The following PAG1 variants were observed in gnomAD, a reference collection of about 807,000 sequenced individuals.
The protein encoded by PAG1 is phosphoprotein associated with glycosphingolipid-enriched microdomains 1.
In PAG1, 23 loss-of-function variants were observed where a neutral mutation model predicts 31.7. The ratio of observed to expected loss-of-function variants is 0.73; its 90% CI spans 0.52 to 1.03. PAG1 has a LOEUF of 1.03. Ranked by LOEUF, PAG1 falls within the 50% of genes least tolerant of loss-of-function variation. The probability of loss-of-function intolerance (pLI) is 0.00; values close to 1 mark genes in which losing one functional copy is unlikely to be tolerated. For synonymous variants in PAG1, 214 were observed against 210.3 expected (o/e 1.02, Z -0.15); for missense variants, 473 against 540.7 (o/e 0.87, Z 1.24).
intron 2 of PAG1, among the ~76,000 whole-genome samples, chr8:81,049,135 G>C (rs1309656036): frequency 2.6e-5 from 4 of 152,222 alleles, no homozygotes; most frequent in African/African-American, 9.6e-5. Flanking sequence ...CAAGAAGAGA[G>C]AATAAAAGAT....
intron 2 of PAG1, among the ~76,000 whole-genome samples, chr8:81,047,896 C>A (rs1221752048): frequency 6.6e-6 from 1 of 152,112 alleles, no homozygotes; most frequent in Non-Finnish European, 1.5e-5. Context: ...GAGAATCATG[C>A]AAATATATGA....
chr8:81,076,243 A>G (rs909252025), intron 1 of PAG1, among the ~76,000 whole-genome samples: 2 of 152,218 alleles, frequency 1.3e-5, no homozygotes, highest in African/African-American at 4.8e-5. Flanking sequence ...AATCAAATCC[A>G]AAGCTTCCCA....
At chr8:80,989,664 T>C (rs1449957256) in intron 5 of PAG1, among the ~76,000 whole-genome samples, 1 of 152,124 alleles carries the variant, frequency 6.6e-6, no homozygotes, top group Non-Finnish European at 1.5e-5. Context: ...CACCTGCCAC[T>C]CTCTTCCTAT....
chr8:81,062,539 T>A (rs999095163), intron 2 of PAG1, among the ~76,000 whole-genome samples: 2 of 152,234 alleles, frequency 1.3e-5, no homozygotes, highest in Non-Finnish European at 1.5e-5. Flanking sequence ...TTATCAGATA[T>A]TTTTCATTTT....
At chr8:80,982,203 G>T (rs949324088) in intron 7 of PAG1, among the ~76,000 whole-genome samples, 3 of 152,066 alleles carry the variant, frequency 2.0e-5, no homozygotes, top group Admixed American at 2.0e-4. Context: ...TTAAAGAGTG[G>T]TCTAAAAAGT....
At chr8:80,989,995 G>A (rs1297237989) in intron 5 of PAG1, among the ~76,000 whole-genome samples, 2 of 152,162 alleles carry the variant, frequency 1.3e-5, no homozygotes, top group Non-Finnish European at 2.9e-5. Flanking sequence ...GGGGCCTGGA[G>A]TCTGCATGGG....
intron 7 of PAG1, among the ~76,000 whole-genome samples, chr8:80,980,973 A>C (rs1278660201): frequency 6.6e-6 from 1 of 152,176 alleles, no homozygotes; most frequent in African/African-American, 2.4e-5. Context: ...TGATTTCTGA[A>C]GGATTTTGGC....
chr8:81,062,613 T>G (rs1174050092), intron 2 of PAG1, among the ~76,000 whole-genome samples: 1 of 152,242 alleles, frequency 6.6e-6, no homozygotes, highest in Non-Finnish European at 1.5e-5. Context: ...AATTATTTAT[T>G]TAATTTACTG....
chr8:81,034,542 T>C (rs570749585), intron 2 of PAG1, among the ~76,000 whole-genome samples: 1 of 152,310 alleles, frequency 6.6e-6, no homozygotes, highest in East Asian at 1.9e-4. Flanking sequence ...AATCTACCTA[T>C]GCTGAATTCC....
rs151123280 is a variant in PAG1 at position 81,087,260 on chromosome 8, T to G, written c.-233-17090A>C. ...CTGGAGGCTGAGGCAGGAGAATCGC[T>G]TGAACCCAGGAGGTGGAGGTTGCAG... On this transcript the variant is annotated intron_variant, in intron 1 of 8. Coordinates refer to ENST00000220597, the MANE Select transcript of PAG1 (RefSeq NM_018440.4). Among the ~76,000 whole-genome samples the G allele has an allele frequency of 8.3e-3, 1,257 of 151,160 alleles. 13 individuals carry two copies. The highest frequency in any genetic ancestry group is 0.028 in the African/African-American group (1,128 of 41,014).
At chr8:81,023,649 G>A (rs1330259727) in intron 3 of PAG1, among the ~76,000 whole-genome samples, 2 of 151,922 alleles carry the variant, frequency 1.3e-5, no homozygotes, top group East Asian at 3.9e-4. Context: ...GAAAGACAGA[G>A]GGTATGAGTG....
intron 3 of PAG1, among the ~76,000 whole-genome samples, chr8:81,022,637 C>T (rs951419435): frequency 6.6e-6 from 1 of 152,006 alleles, no homozygotes; most frequent in African/African-American, 2.4e-5. Context: ...GAAAATTGTA[C>T]TAATTTATAA....
intron 1 of PAG1, among the ~76,000 whole-genome samples, chr8:81,096,779 T>C (rs568014312): frequency 6.6e-6 from 1 of 152,164 alleles, no homozygotes; most frequent in African/African-American, 2.4e-5. Context: ...ATCAGGCCCC[T>C]GGTAGGCTGC....
rs1025580580 is a variant in PAG1 at position 81,106,894 on chromosome 8, T to G, written c.-234+4697A>C. ...TACTGGTTAGACATAAGTGTTCGTT[T>G]CCTTTGAAAACCATAGTCTCATGGG... On this transcript the variant is annotated intron_variant, in intron 1 of 8. Transcript: ENST00000220597. 2.6e-5 allele frequency among the ~76,000 whole-genome samples: 4 copies of G among 152,186 alleles called. No homozygotes were observed. The East Asian group carries it at 7.7e-4, about 29-fold the overall frequency.
At position 80,971,716 on chromosome 8, in the gene PAG1, T is replaced by C. The variant is rs1807081789; in HGVS notation, c.*4828A>G. ...CAAAAATTGTATTTCTCTTTTCATG[T>C]TACATTAAGAATTTGGAATATTATT... On this transcript the variant is annotated 3_prime_UTR_variant, in exon 9 of 9. Transcript: ENST00000220597. 6.6e-6 allele frequency: 1 copy of C among 152,206 alleles called. No individual in the cohort carries two copies. Among genetic ancestry groups the C allele is most frequent in the Non-Finnish European group, 1.5e-5 (1 of 68,030 alleles). The allele number at this position is 152,206 out of a possible 1,614,324, so 9.4% of individuals were successfully genotyped here.
intron 2 of PAG1, among the ~76,000 whole-genome samples, chr8:81,069,584 G>T (rs1252064252): frequency 2.0e-5 from 3 of 152,180 alleles, no homozygotes; most frequent in South Asian, 4.1e-4. Flanking sequence ...ATGACCCAAG[G>T]TTATTAAGGA....
chr8:80,997,846 T>C (rs1807710996), intron 3 of PAG1, among the ~76,000 whole-genome samples: 1 of 152,188 alleles, frequency 6.6e-6, no homozygotes, highest in Non-Finnish European at 1.5e-5. Context: ...AATACAAGCA[T>C]ATAGTATTGC....
In PAG1 at chr8:80,989,747, C is replaced by T. The variant is rs1405840806; in HGVS notation, c.177+1732G>A. On this transcript the variant is annotated intron_variant, in intron 5 of 8. Transcript: ENST00000220597. Reference sequence around the variant, plus strand: ...GCTCTAGGCCAGTGGCTCTCACACTCGAGCATACAACTGGATCACCTGGGG... The same window carrying T: ...GCTCTAGGCCAGTGGCTCTCACACTTGAGCATACAACTGGATCACCTGGGG... Among the ~76,000 whole-genome samples the T allele has an allele frequency of 2.0e-5, 3 of 152,238 alleles. No individual in the cohort carries two copies. In the East Asian group the frequency reaches 5.8e-4, roughly 29 times the overall value.
chr8:81,040,077 C>T (rs1385836016), intron 2 of PAG1, among the ~76,000 whole-genome samples: 1 of 152,054 alleles, frequency 6.6e-6, no homozygotes, highest in Non-Finnish European at 1.5e-5. Context: ...TCTTAGACTC[C>T]CCTCTTGGTT....
Sources: allele counts gnomAD v4.1 joint callset (sites outside exome capture counted in the v4.1 genomes callset), GRCh38; gene constraint gnomAD v4.1.1; transcripts MANE v1.5; gene names NCBI Gene and HGNC (gene_info 2026-07-23, HGNC 2026-07-21).